ASTN2: variants seen among roughly 807,000 people sequenced by gnomAD.
ASTN2 encodes the protein astrotactin-2.
Under a neutral mutation model 139.8 loss-of-function variants are expected in ASTN2, and 54 were observed. That is an observed-to-expected ratio of 0.39 (90% CI 0.31 to 0.48). The LOEUF is 0.48. ASTN2 is among the 20% of genes least tolerant of loss of function. The pLI, the probability that ASTN2 is intolerant of heterozygous loss-of-function variation, is 0.95. For missense variants in ASTN2, 1,565 were observed against 1,725.1 expected, an observed-to-expected ratio of 0.91 and a Z score of 1.64; for synonymous variants, 756 against 719.5, an observed-to-expected ratio of 1.05 and a Z score of -0.81.
At chr9:117,087,958 C>G (rs758911023) in intron 5 of ASTN2, among the ~76,000 whole-genome samples, 1 of 152,148 alleles carries the variant, frequency 6.6e-6, no homozygotes, top group Non-Finnish European at 1.5e-5. Context: ...ACAAAGAATG[C>G]CTATCTATCT....
At position 116,444,192 on chromosome 9, in the gene ASTN2, T is replaced by C. The variant is rs1470887987; in HGVS notation, c.3498-1639A>G. The stretch of plus-strand genomic sequence containing the variant: ...CTAGGACTGGCAATTTAAACCTTGG[T>C]TTCTCAGACTCTAAAATTCATACAT... On this transcript the variant is annotated intron_variant, in intron 20 of 22. Transcript: ENST00000313400. 3.3e-5 allele frequency among the ~76,000 whole-genome samples: 5 copies of C among 152,264 alleles called. No individual in the cohort carries two copies. In the South Asian group the frequency reaches 1.0e-3, roughly 32 times the overall value.
At chr9:117,073,953 G>A (rs1828204934) in intron 5 of ASTN2, among the ~76,000 whole-genome samples, 1 of 152,180 alleles carries the variant, frequency 6.6e-6, no homozygotes, top group African/African-American at 2.4e-5. Flanking sequence ...TAGCTCTGTG[G>A]TCTGGGGGAG....
intron 5 of ASTN2, among the ~76,000 whole-genome samples, chr9:117,084,816 A>G (rs555434229): frequency 3.3e-5 from 5 of 152,362 alleles, no homozygotes; most frequent in Admixed American, 3.3e-4. Flanking sequence ...CTAATATTAA[A>G]TGATTAGAAT....
chr9:116,815,804 C>CAAAAAAAAAAAAAAAAAAAAAAAA (rs55954354), intron 12 of ASTN2, among the ~76,000 whole-genome samples: 1 of 24,106 alleles, frequency 4.1e-5, no homozygotes, highest in Non-Finnish European at 6.7e-5. Flanking sequence ...GACTCCGTCT[C>CAAAAAAAAAAAAAAAAAAAAAAAA]AAAAAAAAAA....
chr9:117,089,335 T>G (rs115983718), intron 5 of ASTN2, among the ~76,000 whole-genome samples: 1 of 152,222 alleles, frequency 6.6e-6, no homozygotes, highest in Non-Finnish European at 1.5e-5. Context: ...CTATCTCCGA[T>G]GAATATATGT....
intron 16 of ASTN2, among the ~76,000 whole-genome samples, chr9:116,684,413 C>T (rs909789030): frequency 3.9e-5 from 6 of 152,080 alleles, no homozygotes; most frequent in Admixed American, 6.5e-5. Flanking sequence ...GTTAGCTGTC[C>T]TTGAGTTTTT....
intron 19 of ASTN2, among the ~76,000 whole-genome samples, chr9:116,491,370 C>T (rs1328617958): frequency 6.6e-6 from 1 of 152,062 alleles, no homozygotes; most frequent in Non-Finnish European, 1.5e-5. Flanking sequence ...CCTATTTTTT[C>T]AGTTCCAAAG....
chr9:116,537,449 C>T (rs1219543354), intron 19 of ASTN2, among the ~76,000 whole-genome samples: 1 of 152,184 alleles, frequency 6.6e-6, no homozygotes, highest in Non-Finnish European at 1.5e-5. Context: ...ATTTTACCTC[C>T]TTCTTGAACC....
intron 1 of ASTN2, among the ~76,000 whole-genome samples, chr9:117,395,282 C>T (rs1306617665): frequency 6.6e-6 from 1 of 151,900 alleles, no homozygotes; most frequent in Admixed American, 6.6e-5. Context: ...GGGCAGGGTG[C>T]CTGAGAATTG....
intron 19 of ASTN2, among the ~76,000 whole-genome samples, chr9:116,590,585 C>T (rs1424627694): frequency 1.3e-5 from 2 of 152,064 alleles, no homozygotes; most frequent in Non-Finnish European, 2.9e-5. Context: ...AGGGGCAGGT[C>T]CCCAGTGCAG....
Position 116,905,615 on chromosome 9 carries a change from T to C in ASTN2, c.1890-41882A>G, listed in dbSNP as rs73655520. ...ACAGTGCCCAGGGCAAGAGAACAAA[T>C]TGCCTAGTACAATAAGACTAAATAA... On this transcript the variant is annotated intron_variant, in intron 10 of 22. Coordinates refer to ENST00000313400, the MANE Select transcript of ASTN2 (RefSeq NM_001365068.1). Among the ~76,000 whole-genome samples the C allele has an allele frequency of 9.9e-3, 1,506 of 152,166 alleles. 33 individuals are homozygous for C. The highest frequency in any genetic ancestry group is 0.035 in the African/African-American group (1,456 of 41,504).
intron 7 of ASTN2, among the ~76,000 whole-genome samples, chr9:116,986,386 C>T (rs1455035763): frequency 6.6e-6 from 1 of 152,148 alleles, no homozygotes; most frequent in Non-Finnish European, 1.5e-5. Flanking sequence ...ATGAATCCAT[C>T]CTATTTTTTC....
At chr9:117,408,564 G>A (rs1831073031) in intron 1 of ASTN2, among the ~76,000 whole-genome samples, 1 of 152,172 alleles carries the variant, frequency 6.6e-6, no homozygotes, top group Admixed American at 6.5e-5. Context: ...GAAGCAGGAG[G>A]CCTTGCCAGC....
At chr9:116,686,344 A>C (rs1860206990) in intron 16 of ASTN2, among the ~76,000 whole-genome samples, 1 of 152,216 alleles carries the variant, frequency 6.6e-6, no homozygotes. Context: ...TGAAGTCCTC[A>C]GCTGTAGCCA....
chr9:117,016,271 C>T (rs925157425), intron 6 of ASTN2, among the ~76,000 whole-genome samples: 1 of 152,000 alleles, frequency 6.6e-6, no homozygotes, highest in Non-Finnish European at 1.5e-5. Context: ...TTGTGACTCT[C>T]AACCTCTTCT....
intron 2 of ASTN2, 33 bp downstream of exon 2, chr9:117,291,293 C>T (rs772181256): frequency 1.9e-6 from 3 of 1,605,242 alleles, no homozygotes; most frequent in East Asian, 2.2e-5. Context: ...CCCACGCAAT[C>T]CCCGACCCCG....
rs942994483 is a variant in ASTN2, at chr9:116,620,533, G to C, written c.3073-90C>G. The C allele has an allele frequency of 2.0e-6, 3 of 1,502,006 alleles. No individual in the cohort carries two copies. In the African/African-American group the frequency reaches 4.1e-5, roughly 21 times the overall value. The allele number at this position is 1,502,006 out of a possible 1,614,324, so 93.0% of individuals were successfully genotyped here. ...GCTGATGGCCATGATGTGAGCCATCGAGGGCTTTAGAGTAGCCCCTTTAAG... is the reference window on the plus strand; with the variant it reads ...GCTGATGGCCATGATGTGAGCCATCCAGGGCTTTAGAGTAGCCCCTTTAAG... On this transcript the variant is annotated intron_variant, in intron 17 of 22. Transcript: ENST00000313400.
At chr9:116,744,232 C>T (rs1166510653) in intron 13 of ASTN2, among the ~76,000 whole-genome samples, 1 of 152,034 alleles carries the variant, frequency 6.6e-6, no homozygotes, top group Admixed American at 6.6e-5. Context: ...CTGGAAATTG[C>T]AATAAGCTAA....
Position 117,359,554 on chromosome 9 carries a change from C to T in ASTN2, c.442+54943G>A, listed in dbSNP as rs144670779. On this transcript the variant is annotated intron_variant, in intron 1 of 22. Coordinates refer to ENST00000313400, the MANE Select transcript of ASTN2 (RefSeq NM_001365068.1). ...GTCCCAGCAGTAGGGAAAGTACCATCAAAATAAGATGCAAAGAATTGTCCT... is the reference window on the plus strand; with the variant it reads ...GTCCCAGCAGTAGGGAAAGTACCATTAAAATAAGATGCAAAGAATTGTCCT... Among the ~76,000 whole-genome samples the T allele has an allele frequency of 5.5e-4, 83 of 152,272 alleles. No individual in the cohort carries two copies. The Middle Eastern group carries it at 0.021, about 38-fold the overall frequency.
Sources: gnomAD v4.1 joint callset for allele counts (sites outside exome capture counted in the v4.1 genomes callset) on GRCh38, gnomAD v4.1.1 for gene constraint, MANE v1.5 for transcripts, NCBI Gene and HGNC (gene_info 2026-07-23, HGNC 2026-07-21) for gene names.